The following GIPC3 variants were observed in gnomAD, a reference collection of about 807,000 sequenced individuals.
The protein encoded by GIPC3 is GIPC PDZ domain containing family member 3.
Under a neutral mutation model 27.3 loss-of-function variants are expected in GIPC3, and 16 were observed. That is an observed-to-expected ratio of 0.59 (90% CI 0.40 to 0.89). GIPC3 has a LOEUF of 0.89. Ranked by LOEUF, GIPC3 falls within the 40% of genes least tolerant of loss-of-function variation. The pLI is 0.00. For synonymous variants in GIPC3, 194 were observed against 184.6 expected (o/e 1.05, Z -0.41); for missense variants, 440 against 442.1 (o/e 1.00, Z 0.04).
rs1052891214 is a variant in GIPC3, at chr19:3,590,840, G to T, written c.*650G>T. ...GAACTCAGATGGGCTCTGAGACCAT[G>T]CCCAGCTCTAGAACTCAGATGGGCT... is the stretch of plus-strand genomic sequence containing the variant. On this transcript the variant is annotated 3_prime_UTR_variant, in exon 6 of 6. Transcript: ENST00000644452. The T allele has an allele frequency of 1.1e-5, 14 of 1,236,968 alleles. No homozygotes were observed. The highest frequency in any genetic ancestry group is 4.7e-5 in the African/African-American group (3 of 64,266). 76.6% of individuals were successfully genotyped at this position (1,236,968 alleles called of 1,614,324 possible). A position where few individuals can be genotyped will look rare whatever the true frequency, so the allele number is the denominator to read the frequency against.
At chr19:3,587,117 C>G (rs2032384320) in intron 3 of GIPC3, 123 bp downstream of exon 3, 2 of 836,646 alleles carry the variant, frequency 2.4e-6, no homozygotes, top group African/African-American at 1.7e-5. Flanking sequence ...TGCCAAGGAG[C>G]TCCTGGCAGG....
Position 3,593,088 on chromosome 19 carries a change from A to AC in GIPC3, c.*2904dup, listed in dbSNP as rs983524862. The AC allele has an allele frequency of 2.0e-5, 25 of 1,231,438 alleles. No individual in the cohort carries two copies. Among genetic ancestry groups the AC allele is most frequent in the African/African-American group, 1.1e-4 (7 of 64,034 alleles). The allele number at this position is 1,231,438 out of a possible 1,614,324, so 76.3% of individuals were successfully genotyped here. A position where few individuals can be genotyped will look rare whatever the true frequency, so the allele number is the denominator to read the frequency against. On this transcript the variant is annotated 3_prime_UTR_variant, in exon 6 of 6. Coordinates refer to ENST00000644452, the MANE Select transcript of GIPC3 (RefSeq NM_133261.3). ...GGCCCCACAGTCACAGGTCTCCTCAACCCCCCAGAAGCCAGCCGTCTCTCC... is the reference window on the plus strand; with the variant it reads ...GGCCCCACAGTCACAGGTCTCCTCAACCCCCCCAGAAGCCAGCCGTCTCTCC...
Position 3,585,663 on chromosome 19 carries a change from C to T in GIPC3, c.66C>T (p.Pro22=), listed in dbSNP as rs1269578352. 4.3e-5 allele frequency: 54 copies of T among 1,246,726 alleles called. No homozygotes were observed. Among genetic ancestry groups the T allele is most frequent in the East Asian group, 3.7e-4 (11 of 29,614 alleles). 77.2% of individuals were successfully genotyped at this position (1,246,726 alleles called of 1,614,324 possible). The change falls in exon 1 of 6, where the codon CCC becomes CCT. Residue 22 remains proline, a synonymous_variant. Transcript: ENST00000644452. ...CCCCGCGCGCGTCTGCGCCCCCGCC[C>T]GCGCCCTCGGAGCCCCCGGCCGCGC... ...TETPRASAPP[P]APSEPPAAPR...
rs2032516418 is a variant in GIPC3, at chr19:3,593,019, G to A, written c.*2829G>A. Reference sequence around the variant, plus strand: ...CCATGATCAGGTATGTGGCATCCAGGCCAGCCTTGGCCCCATCCCAGGCTT... The same window carrying A: ...CCATGATCAGGTATGTGGCATCCAGACCAGCCTTGGCCCCATCCCAGGCTT... On this transcript the variant is annotated 3_prime_UTR_variant, in exon 6 of 6. Coordinates refer to ENST00000644452, the MANE Select transcript of GIPC3 (RefSeq NM_133261.3). 1 of 1,230,738 alleles carries A rather than the reference G, an allele frequency of 8.1e-7. No homozygotes were observed. The highest frequency in any genetic ancestry group is 1.6e-5 in the African/African-American group (1 of 63,878). The allele number at this position is 1,230,738 out of a possible 1,614,324, so 76.2% of individuals were successfully genotyped here. A position where few individuals can be genotyped will look rare whatever the true frequency, so the allele number is the denominator to read the frequency against.
Position 3,585,669 on chromosome 19 carries a change from C to T in GIPC3, c.72C>T (p.Pro24=), listed in dbSNP as rs1290474006. The T allele has an allele frequency of 1.1e-5, 14 of 1,289,114 alleles. No individual in the cohort carries two copies. Among genetic ancestry groups the T allele is most frequent in the Non-Finnish European group, 1.3e-5 (13 of 1,016,702 alleles). 79.9% of individuals were successfully genotyped at this position (1,289,114 alleles called of 1,614,324 possible). The change falls in exon 1 of 6, where the codon CCC becomes CCT. Residue 24 remains proline (P), a synonymous_variant. Coordinates refer to ENST00000644452, the MANE Select transcript of GIPC3 (RefSeq NM_133261.3). ...TPRASAPPPA[P]SEPPAAPRAR... ...GCGCGTCTGCGCCCCCGCCCGCGCC[C>T]TCGGAGCCCCCGGCCGCGCCCCGCG...
intron 3 of GIPC3, among the ~76,000 whole-genome samples, chr19:3,587,695 C>CTTTTTTCTTTTTTT (rs548820972): frequency 6.1e-5 from 8 of 131,198 alleles, no homozygotes; most frequent in South Asian, 2.4e-4. Context: ...CTTTTCTTTT[C>CTTTTTTCTTTTTTT]TTTTTTTTTT....
intron 1 of GIPC3, 147 bp downstream of exon 1, chr19:3,585,969 T>G: frequency 7.2e-7 from 1 of 1,379,826 alleles, no homozygotes; most frequent in Admixed American, 2.4e-5. Flanking sequence ...GACCCAGCCC[T>G]CAGATCCCGG....
Position 3,592,259 on chromosome 19 carries a change from C to T in GIPC3, c.*2069C>T, listed in dbSNP as rs1263514604. ...CTAAAACCCTGCCAGGTTCTAGATA[C>T]CAGCTCCAGACCACAGCCCCAGACA... On this transcript the variant is annotated 3_prime_UTR_variant, in exon 6 of 6. Transcript: ENST00000644452. 12 of 1,232,062 alleles carry T rather than the reference C, an allele frequency of 9.7e-6. No homozygotes were observed. Among genetic ancestry groups the T allele is most frequent in the Middle Eastern group, 3.1e-4 (1 of 3,230 alleles). The allele number at this position is 1,232,062 out of a possible 1,614,324, so 76.3% of individuals were successfully genotyped here. A position where few individuals can be genotyped will look rare whatever the true frequency, so the allele number is the denominator to read the frequency against.
At chr19:3,586,288 G>A (rs2032362316) in intron 1 of GIPC3, among the ~76,000 whole-genome samples, 1 of 152,096 alleles carries the variant, frequency 6.6e-6, no homozygotes, top group Non-Finnish European at 1.5e-5. Flanking sequence ...TGGAGGTCTG[G>A]GGGCTGGAGG....
chr19:3,591,248 G>T lies in GIPC3; in HGVS notation c.*1058G>T, dbSNP rs1268728210. On this transcript the variant is annotated 3_prime_UTR_variant, in exon 6 of 6. Transcript: ENST00000644452. ...GCTCTAGAACCCAGATAAGATCTGAGACCAAGCCCTGCTCTGAAGCCCAGG... is the reference window on the plus strand; with the variant it reads ...GCTCTAGAACCCAGATAAGATCTGATACCAAGCCCTGCTCTGAAGCCCAGG... 8.1e-7 allele frequency: 1 copy of T among 1,232,708 alleles called. No homozygotes were observed. Among genetic ancestry groups the T allele is most frequent in the African/African-American group, 1.6e-5 (1 of 64,404 alleles). The allele number at this position is 1,232,708 out of a possible 1,614,324, so 76.4% of individuals were successfully genotyped here. A position where few individuals can be genotyped will look rare whatever the true frequency, so the allele number is the denominator to read the frequency against.
At position 3,585,693 on chromosome 19, in the gene GIPC3, C is replaced by T; in HGVS notation, c.96C>T (p.Arg32=). 3 of 1,426,664 alleles carry T rather than the reference C, an allele frequency of 2.1e-6. No individual in the cohort carries two copies. The highest frequency in any genetic ancestry group is 1.4e-5 in the South Asian group (1 of 70,760). 88.4% of individuals were successfully genotyped at this position (1,426,664 alleles called of 1,614,324 possible). A position where few individuals can be genotyped will look rare whatever the true frequency, so the allele number is the denominator to read the frequency against. The part of the protein sequence containing the change: ...PAPSEPPAAP[R]ARPRLVFRTQ... ...CCTCGGAGCCCCCGGCCGCGCCCCG[C>T]GCCCGCCCGCGCCTCGTCTTCCGCA... is the stretch of plus-strand genomic sequence containing the variant. Residue 32 remains arginine, a synonymous_variant, in exon 1 of 6, where the codon CGC becomes CGT. Coordinates refer to ENST00000644452, the MANE Select transcript of GIPC3 (RefSeq NM_133261.3).
Position 3,586,578 on chromosome 19 carries a change from T to C in GIPC3, c.309T>C (p.Phe103=), listed in dbSNP as rs1419014614. 3 of 1,613,756 alleles carry C rather than the reference T, an allele frequency of 1.9e-6. No homozygotes were observed. The highest frequency in any genetic ancestry group is 1.3e-5 in the African/African-American group (1 of 75,008). ...AGATAGGCCTGGAGGACTTCATCTT[T>C]GCCCACGTGCGAGGCGAGACCAAGG... ...GGQIGLEDFI[F]AHVRGETKEV... is the part of the protein sequence containing the mutation. The change falls in exon 2 of 6, where the codon TTT becomes TTC. Residue 103 remains phenylalanine, a synonymous_variant. Coordinates refer to ENST00000644452, the MANE Select transcript of GIPC3 (RefSeq NM_133261.3).
chr19:3,593,282 G>A lies in GIPC3; in HGVS notation c.*3092G>A, dbSNP rs1049668728. On this transcript the variant is annotated 3_prime_UTR_variant, in exon 6 of 6. Transcript: ENST00000644452. Reference sequence around the variant, plus strand: ...CAGGAGCCCGCCCTTACCGCGGGGGGCCGTAGCTTGGCTGTGACTTAGCCC... The same window carrying A: ...CAGGAGCCCGCCCTTACCGCGGGGGACCGTAGCTTGGCTGTGACTTAGCCC... 1.5e-5 allele frequency: 18 copies of A among 1,232,374 alleles called. No individual in the cohort carries two copies. The highest frequency in any genetic ancestry group is 1.6e-5 in the Non-Finnish European group (16 of 988,174). 76.3% of individuals were successfully genotyped at this position (1,232,374 alleles called of 1,614,324 possible). A position where few individuals can be genotyped will look rare whatever the true frequency, so the allele number is the denominator to read the frequency against.
In GIPC3 at chr19:3,590,108, T is replaced by C; in HGVS notation, c.857T>C (p.Val286Ala). 6.2e-7 allele frequency: 1 copy of C among 1,611,448 alleles called. No homozygotes were observed. The highest frequency in any genetic ancestry group is 1.1e-5 in the South Asian group (1 of 90,678). ...AQEFARCLDS[V>A]LGEFAFPDEF... Reference sequence around the variant, plus strand: ...GAGTTTGCACGCTGTTTAGACTCCGTCTTGGGCGAGTTCGCCTTCCCCGAC... The same window carrying C: ...GAGTTTGCACGCTGTTTAGACTCCGCCTTGGGCGAGTTCGCCTTCCCCGAC... The change falls in exon 6 of 6, where the codon GTC becomes GCC. Residue 286 changes from valine to alanine, a missense_variant. Val to Ala is a moderately conservative substitution (Grantham distance 64). Transcript: ENST00000644452.
chr19:3,585,935 G>A, intron 1 of GIPC3, 113 bp downstream of exon 1: 1 of 1,452,892 alleles, frequency 6.9e-7, no homozygotes, highest in Non-Finnish European at 9.1e-7. Flanking sequence ...CGTCGGGGTG[G>A]CCGCCTAATC....
In GIPC3 at chr19:3,592,491, A is replaced by G. The variant is rs2032504743; in HGVS notation, c.*2301A>G. 4.9e-6 allele frequency: 6 copies of G among 1,231,800 alleles called. No individual in the cohort carries two copies. The highest frequency in any genetic ancestry group is 1.6e-5 in the African/African-American group (1 of 64,348). The allele number at this position is 1,231,800 out of a possible 1,614,324, so 76.3% of individuals were successfully genotyped here. A position where few individuals can be genotyped will look rare whatever the true frequency, so the allele number is the denominator to read the frequency against. ...TTCTGGAAACCAGCTCAGCTCCGGG[A>G]CCCAGACCACTGCAAGAATTCAGCT... On this transcript the variant is annotated 3_prime_UTR_variant, in exon 6 of 6. Coordinates refer to ENST00000644452, the MANE Select transcript of GIPC3 (RefSeq NM_133261.3).
chr19:3,589,854 A>G lies in GIPC3; in HGVS notation c.729A>G (p.Ala243=), dbSNP rs751260364. 6 of 1,613,732 alleles carry G rather than the reference A, an allele frequency of 3.7e-6. No individual in the cohort carries two copies. The South Asian group carries it at 6.6e-5, about 18-fold the overall frequency. Residue 243 remains alanine, a synonymous_variant, in exon 5 of 6, where the codon GCA becomes GCG. Coordinates refer to ENST00000644452, the MANE Select transcript of GIPC3 (RefSeq NM_133261.3). ...AGCCCAGTGAGTTTGAGGAGGAGGC[A>G]TCTCGGAAGGTTGATGACCTGCTGG... ...EEAPSEFEEE[A]SRKVDDLLES...
Position 3,590,361 on chromosome 19 carries a change from T to C in GIPC3, c.*171T>C, listed in dbSNP as rs2032464776. On this transcript the variant is annotated 3_prime_UTR_variant, in exon 6 of 6. Coordinates refer to ENST00000644452, the MANE Select transcript of GIPC3 (RefSeq NM_133261.3). ...ACCCTTCTCTAGAATCCAGCCCAGA[T>C]CTGAGGCCAAGCTATGTGCTAGAGC... The C allele has an allele frequency of 3.5e-6, 5 of 1,439,442 alleles. No individual in the cohort carries two copies. The highest frequency in any genetic ancestry group is 4.5e-6 in the Non-Finnish European group (5 of 1,101,150). 89.2% of individuals were successfully genotyped at this position (1,439,442 alleles called of 1,614,324 possible). A position where few individuals can be genotyped will look rare whatever the true frequency, so the allele number is the denominator to read the frequency against.
At position 3,585,733 on chromosome 19, in the gene GIPC3, G is replaced by C. The variant is rs946085339; in HGVS notation, c.136G>C (p.Gly46Arg). The change falls in exon 1 of 6, where the codon GGG becomes CGG. Residue 46 changes from glycine to arginine, a missense_variant. By Grantham distance (125) the Gly-to-Arg change is moderately radical. Coordinates refer to ENST00000644452, the MANE Select transcript of GIPC3 (RefSeq NM_133261.3). The stretch of plus-strand genomic sequence containing the variant: ...CGTCTTCCGCACGCAGCTGGCGCAC[G>C]GGAGCCCCACGGGCAAGATCGAGGG... ...RLVFRTQLAH[G>R]SPTGKIEGFT... 6.5e-7 allele frequency: 1 copy of C among 1,534,494 alleles called. No homozygotes were observed. Among genetic ancestry groups the C allele is most frequent in the African/African-American group, 1.4e-5 (1 of 71,594 alleles).
Sources: allele counts gnomAD v4.1 joint callset (sites outside exome capture counted in the v4.1 genomes callset), GRCh38; gene constraint gnomAD v4.1.1; transcripts MANE v1.5; gene names NCBI Gene and HGNC (gene_info 2026-07-23, HGNC 2026-07-21).